NIPBL: variants seen among roughly 807,000 people sequenced by gnomAD.
NIPBL encodes nipped-B-like protein.
A neutral mutation model predicts 321.8 loss-of-function variants in NIPBL; 19 were observed. That is an observed-to-expected ratio of 0.06 (90% CI 0.04 to 0.09). The LOEUF is 0.09. Among genes scored for constraint, NIPBL ranks in the 10% least tolerant of loss-of-function variants. The probability of loss-of-function intolerance (pLI) is 1.00; values close to 1 mark genes in which losing one functional copy is unlikely to be tolerated. For missense variants in NIPBL, 2,210 were observed against 3,327.0 expected (o/e 0.66, Z 8.26); for synonymous variants, 1,106 against 1,114.1 (o/e 0.99, Z 0.14).
chr5:37,032,386 CGTGTGTGTGTGTGTGTGTGTGTGTGTGT>C (rs58831894), intron 32 of NIPBL, among the ~76,000 whole-genome samples: 4 of 123,518 alleles, frequency 3.2e-5, no homozygotes, highest in Non-Finnish European at 6.8e-5. Flanking sequence ...TACATGTATA[CGTGTGTGTGTGTGTGTGTGTGTGTGTGT>C]GTGTGTGTGT....
Position 36,985,146 on chromosome 5 carries a change from A to T in NIPBL, c.1966A>T (p.Ser656Cys). The T allele has an allele frequency of 6.2e-7, 1 of 1,613,914 alleles. No homozygotes were observed. Among genetic ancestry groups the T allele is most frequent in the Non-Finnish European group, 8.5e-7 (1 of 1,179,936 alleles). The stretch of plus-strand genomic sequence containing the variant: ...AACAGAAGAACTTAAACAGAATGAG[A>T]GCAGAACAACTGAATGCAAACAAAA... Reference protein sequence around the residue: ...TQTEELKQNESRTTECKQNES... With the variant: ...TQTEELKQNECRTTECKQNES... The change falls in exon 10 of 47, where the codon AGC becomes TGC. Residue 656 changes from serine to cysteine, a missense_variant. Ser to Cys is a moderately radical substitution (Grantham distance 112). Coordinates refer to ENST00000282516, the MANE Select transcript of NIPBL (RefSeq NM_133433.4).
chr5:36,932,884 A>T (rs1035418452), intron 1 of NIPBL, among the ~76,000 whole-genome samples: 3 of 148,874 alleles, frequency 2.0e-5, no homozygotes, highest in African/African-American at 7.5e-5. Context: ...CTACAGACTC[A>T]CACTCTCTGC....
intron 4 of NIPBL, among the ~76,000 whole-genome samples, chr5:36,960,795 T>C (rs1041196199): frequency 2.0e-5 from 3 of 152,312 alleles, no homozygotes; most frequent in Admixed American, 2.0e-4. Flanking sequence ...TCCCATATAA[T>C]GAAATGTCAT....
intron 1 of NIPBL, among the ~76,000 whole-genome samples, chr5:36,904,306 T>A (rs1194720672): frequency 6.6e-6 from 1 of 152,126 alleles, no homozygotes; most frequent in Admixed American, 6.5e-5. Context: ...CTATCTCTGC[T>A]AAAAATTCAA....
intron 20 of NIPBL, 49 bp from the exon 21 acceptor site, chr5:37,010,038 A>G: frequency 7.1e-7 from 1 of 1,404,410 alleles, no homozygotes; most frequent in Non-Finnish European, 1.0e-6. Flanking sequence ...GATGACATTT[A>G]AATGAGATTA....
At chr5:37,024,846 T>C (rs1039431277) in intron 30 of NIPBL, 127 bp downstream of exon 30, 78 of 713,682 alleles carry the variant, frequency 1.1e-4, no homozygotes, top group Non-Finnish European at 1.5e-4. Flanking sequence ...GTTTATAAAC[T>C]TAAGAAAAAT....
intron 6 of NIPBL, among the ~76,000 whole-genome samples, chr5:36,962,865 A>G (rs962166381): frequency 3.3e-5 from 5 of 152,162 alleles, no homozygotes; most frequent in Admixed American, 6.5e-5. Flanking sequence ...GCTATATGCA[A>G]GTACTATGCA....
In NIPBL at chr5:37,008,616, TA is replaced by T. The variant is rs1368001083; in HGVS notation, c.4321-4del. On this transcript the variant is annotated splice_region_variant and splice_polypyrimidine_tract_variant and intron_variant, in intron 19 of 46. Coordinates refer to ENST00000282516, the MANE Select transcript of NIPBL (RefSeq NM_133433.4). ...GTTTAACTTGGAATCTTATAATTAC[TA>T]AACAGGTATTCTCAAGATATGAAAA... 3 of 1,314,902 alleles carry T rather than the reference TA, an allele frequency of 2.3e-6. No individual in the cohort carries two copies. Among genetic ancestry groups the T allele is most frequent in the South Asian group, 2.4e-5 (2 of 84,406 alleles). 81.5% of individuals were successfully genotyped at this position (1,314,902 alleles called of 1,614,324 possible). A position where few individuals can be genotyped will look rare whatever the true frequency, so the allele number is the denominator to read the frequency against.
At chr5:36,994,994 G>A (rs1375441250) in intron 10 of NIPBL, among the ~76,000 whole-genome samples, 6 of 151,950 alleles carry the variant, frequency 3.9e-5, no homozygotes, top group African/African-American at 9.7e-5. Flanking sequence ...TGTTTCTCTC[G>A]TCTTCAGTTA....
Position 37,065,981 on chromosome 5 carries a change from C to A in NIPBL, c.*1089C>A, listed in dbSNP as rs1755318801. The A allele has an allele frequency of 6.6e-6, 1 of 152,264 alleles. No homozygotes were observed. Among genetic ancestry groups the A allele is most frequent in the Admixed American group, 6.5e-5 (1 of 15,278 alleles). 9.4% of individuals were successfully genotyped at this position (152,264 alleles called of 1,614,324 possible). ...TAGAGTTGAGATGAATATGACACTT[C>A]ATAATTACACTCACTACATTTTTCA... is the stretch of plus-strand genomic sequence containing the variant. On this transcript the variant is annotated 3_prime_UTR_variant, in exon 47 of 47. Coordinates refer to ENST00000282516, the MANE Select transcript of NIPBL (RefSeq NM_133433.4).
At chr5:37,001,219 A>T in intron 14 of NIPBL, 141 bp downstream of exon 14, 1 of 648,784 alleles carries the variant, frequency 1.5e-6, no homozygotes, top group Non-Finnish European at 2.8e-6. Flanking sequence ...GCTGACAATG[A>T]TAAACTTTCT....
chr5:37,019,387 A>G lies in NIPBL; in HGVS notation c.4997A>G (p.Asp1666Gly). The change falls in exon 25 of 47, where the codon GAT becomes GGT. Residue 1666 changes from aspartate (D) to glycine (G), a missense_variant. Coordinates refer to ENST00000282516, the MANE Select transcript of NIPBL (RefSeq NM_133433.4). ...LDYLDENTET[D>G]PSLVFSRKFY... Reference sequence around the variant, plus strand: ...TACTTGGATGAAAACACTGAGACTGATCCTTCACTAGTGGTAGGATTCTTT... The same window carrying G: ...TACTTGGATGAAAACACTGAGACTGGTCCTTCACTAGTGGTAGGATTCTTT... 1 of 1,610,194 alleles carries G rather than the reference A, an allele frequency of 6.2e-7. No individual in the cohort carries two copies. Among genetic ancestry groups the G allele is most frequent in the Non-Finnish European group, 8.5e-7 (1 of 1,176,604 alleles).
intron 34 of NIPBL, among the ~76,000 whole-genome samples, chr5:37,039,351 TATA>T (rs1326740917): frequency 3.3e-5 from 5 of 151,206 alleles, no homozygotes; most frequent in African/African-American, 9.7e-5. Flanking sequence ...ATGGAAAATC[TATA>T]ATATCATACC....
chr5:36,883,823 T>C (rs1745681891), intron 1 of NIPBL, among the ~76,000 whole-genome samples: 1 of 151,926 alleles, frequency 6.6e-6, no homozygotes. Flanking sequence ...AATTCAGTTT[T>C]TTTTTTTGGT....
intron 32 of NIPBL, among the ~76,000 whole-genome samples, chr5:37,036,163 T>G (rs993786402): frequency 6.6e-5 from 10 of 151,814 alleles, no homozygotes; most frequent in Non-Finnish European, 1.3e-4. Flanking sequence ...ATTGGTAAAT[T>G]ACTGGTTTAT....
At chr5:36,942,428 T>A (rs1263317367) in intron 1 of NIPBL, among the ~76,000 whole-genome samples, 1 of 88,834 alleles carries the variant, frequency 1.1e-5, no homozygotes, top group African/African-American at 5.4e-5. Context: ...TGAGACTCTG[T>A]CTTTAAAAAA....
chr5:37,014,015 A>G lies in NIPBL; in HGVS notation c.4561-668A>G, dbSNP rs563654948. ...GCGGTTAGGAGCTGGAGACCAGCCC[A>G]GCCAACACAGCGAAACCCCGTCTCC... On this transcript the variant is annotated intron_variant, in intron 21 of 46. Coordinates refer to ENST00000282516, the MANE Select transcript of NIPBL (RefSeq NM_133433.4). Among the ~76,000 whole-genome samples the G allele has an allele frequency of 7.9e-5, 12 of 152,318 alleles. No individual in the cohort carries two copies. The East Asian group carries it at 9.7e-4, about 12-fold the overall frequency.
In NIPBL at chr5:36,953,669, A is replaced by G; in HGVS notation, c.-28A>G. On this transcript the variant is annotated 5_prime_UTR_variant, in exon 2 of 47. Transcript: ENST00000282516. ...GCTGGCACCTGAACTAAGTACTTTT[A>G]TAGGCAACACCATTCCAGAAATTCA... 6.2e-7 allele frequency: 1 copy of G among 1,605,798 alleles called. No homozygotes were observed. Among genetic ancestry groups the G allele is most frequent in the African/African-American group, 1.3e-5 (1 of 74,888 alleles).
At chr5:36,897,218 A>T (rs1353279631) in intron 1 of NIPBL, among the ~76,000 whole-genome samples, 1 of 151,032 alleles carries the variant, frequency 6.6e-6, no homozygotes, top group Non-Finnish European at 1.5e-5. Flanking sequence ...TGGCCAGACT[A>T]GTCTTGAACT....
Sources: gnomAD v4.1 joint callset for allele counts (sites outside exome capture counted in the v4.1 genomes callset) on GRCh38, gnomAD v4.1.1 for gene constraint, MANE v1.5 for transcripts, NCBI Gene and HGNC (gene_info 2026-07-23, HGNC 2026-07-21) for gene names.